FGFR1OP2: variants seen among roughly 807,000 people sequenced by gnomAD.
FGFR1OP2 encodes the protein fibroblast growth factor receptor 1 oncogene partner 2.
In FGFR1OP2, 17 loss-of-function variants were observed where a neutral mutation model predicts 35.2. The ratio of observed to expected loss-of-function variants is 0.48; its 90% CI spans 0.33 to 0.73. FGFR1OP2 has a LOEUF of 0.73. FGFR1OP2 is among the 30% of genes least tolerant of loss of function. The probability of loss-of-function intolerance (pLI) is 0.02; values close to 1 mark genes in which losing one functional copy is unlikely to be tolerated. For missense variants in FGFR1OP2, 251 were observed against 307.3 expected (o/e 0.82, Z 1.37); for synonymous variants, 105 against 104.6 (o/e 1.00, Z -0.03).
intron 1 of FGFR1OP2, among the ~76,000 whole-genome samples, chr12:26,939,826 T>C (rs895323251): frequency 5.3e-5 from 8 of 152,232 alleles, no homozygotes; most frequent in Non-Finnish European, 1.0e-4. Context: ...TATACATATG[T>C]ATGTTTATTG....
chr12:26,956,164 T>C (rs1939015911), intron 2 of FGFR1OP2, among the ~76,000 whole-genome samples: 1 of 152,168 alleles, frequency 6.6e-6, no homozygotes, highest in Non-Finnish European at 1.5e-5. Flanking sequence ...CCATCAACAA[T>C]GTATGGAAGG....
intron 1 of FGFR1OP2, among the ~76,000 whole-genome samples, chr12:26,950,215 T>G (rs932056252): frequency 2.1e-5 from 2 of 97,204 alleles, no homozygotes; most frequent in African/African-American, 4.4e-5. Context: ...TATTCGTTGT[T>G]TTTTTTTTTT....
chr12:26,956,694 T>A, intron 3 of FGFR1OP2, 34 bp downstream of exon 3: 3 of 1,271,848 alleles, frequency 2.4e-6, no homozygotes, highest in Non-Finnish European at 3.3e-6. Context: ...TTAATCCCAT[T>A]TCTAGTCTAT....
Position 26,963,354 on chromosome 12 carries a change from C to T in FGFR1OP2, c.523C>T (p.His175Tyr). The change falls in exon 6 of 7, where the codon CAT becomes TAT. Residue 175 changes from histidine to tyrosine, a missense_variant. Coordinates refer to ENST00000229395, the MANE Select transcript of FGFR1OP2 (RefSeq NM_015633.3). ...CCCTCTTTTTCAGGAACTGCAAGCACATGTTGACCAGATAACTGAAATGGC... is the reference window on the plus strand; with the variant it reads ...CCCTCTTTTTCAGGAACTGCAAGCATATGTTGACCAGATAACTGAAATGGC... The part of the protein sequence containing the change: ...LEANQNELQA[H>Y]VDQITEMAAV... 1.2e-6 allele frequency: 2 copies of T among 1,606,564 alleles called. No individual in the cohort carries two copies. Among genetic ancestry groups the T allele is most frequent in the South Asian group, 1.1e-5 (1 of 90,086 alleles).
chr12:26,960,445 A>T lies in FGFR1OP2; in HGVS notation c.397-70A>T, dbSNP rs890386858. 23 of 1,097,886 alleles carry T rather than the reference A, an allele frequency of 2.1e-5. No individual in the cohort carries two copies. In the East Asian group the frequency reaches 5.5e-4, roughly 26 times the overall value. 68.0% of individuals were successfully genotyped at this position (1,097,886 alleles called of 1,614,324 possible). On this transcript the variant is annotated intron_variant, in intron 4 of 6. Coordinates refer to ENST00000229395, the MANE Select transcript of FGFR1OP2 (RefSeq NM_015633.3). Reference sequence around the variant, plus strand: ...TCAAACAGTTGGCTAACACGCATGAACTAACACTCATTCAGTTTTTAAATT... The same window carrying T: ...TCAAACAGTTGGCTAACACGCATGATCTAACACTCATTCAGTTTTTAAATT...
At chr12:26,960,681 T>C in intron 5 of FGFR1OP2, 53 bp downstream of exon 5, 1 of 1,555,712 alleles carries the variant, frequency 6.4e-7, no homozygotes, top group Non-Finnish European at 8.7e-7. Flanking sequence ...GGGGGTCCAT[T>C]TTAAAAGTGC....
At chr12:26,955,338 T>C (rs1185757383) in intron 2 of FGFR1OP2, among the ~76,000 whole-genome samples, 1 of 152,234 alleles carries the variant, frequency 6.6e-6, no homozygotes, top group Non-Finnish European at 1.5e-5. Flanking sequence ...TATTAAGATA[T>C]TCACATACCA....
At position 26,965,643 on chromosome 12, in the gene FGFR1OP2, T is replaced by G. The variant is rs1939165117; in HGVS notation, c.*910T>G. The G allele has an allele frequency of 6.6e-6, 1 of 152,082 alleles. No individual in the cohort carries two copies. The allele number at this position is 152,082 out of a possible 1,614,324, so 9.4% of individuals were successfully genotyped here. A position where few individuals can be genotyped will look rare whatever the true frequency, so the allele number is the denominator to read the frequency against. On this transcript the variant is annotated 3_prime_UTR_variant, in exon 7 of 7. Transcript: ENST00000229395. ...CTCATAGAACCCTTTTTTTTTTCCT[T>G]TAAGTATTCTTGAGATACAAAAAAA...
intron 2 of FGFR1OP2, among the ~76,000 whole-genome samples, chr12:26,954,740 T>C (rs1938991904): frequency 6.6e-6 from 1 of 152,224 alleles, no homozygotes. Flanking sequence ...TGTGCAGTTA[T>C]TGTACCCATA....
intron 2 of FGFR1OP2, among the ~76,000 whole-genome samples, chr12:26,955,809 T>C (rs921054076): frequency 2.0e-5 from 3 of 152,236 alleles, no homozygotes; most frequent in Admixed American, 6.5e-5. Context: ...TGTGGACATA[T>C]GTTTTCAGTT....
chr12:26,940,939 A>G (rs1938724332), intron 1 of FGFR1OP2, among the ~76,000 whole-genome samples: 2 of 152,116 alleles, frequency 1.3e-5, no homozygotes, highest in Non-Finnish European at 2.9e-5. Context: ...TCTTAACCAA[A>G]ATCTAAAAGT....
intron 1 of FGFR1OP2, among the ~76,000 whole-genome samples, chr12:26,951,595 C>G (rs1253291658): frequency 1.3e-5 from 2 of 152,168 alleles, no homozygotes; most frequent in Non-Finnish European, 2.9e-5. Context: ...GCTGGGATTA[C>G]AGGTGTGAGC....
chr12:26,957,517 C>T, intron 3 of FGFR1OP2, 84 bp from the exon 4 acceptor site: 12 of 1,188,530 alleles, frequency 1.0e-5, no homozygotes, highest in African/African-American at 1.6e-5. Flanking sequence ...TTAAAATGTC[C>T]CGTTCATAAG....
intron 1 of FGFR1OP2, among the ~76,000 whole-genome samples, chr12:26,946,518 C>T (rs1419477064): frequency 1.3e-5 from 2 of 152,246 alleles, no homozygotes; most frequent in South Asian, 2.1e-4. Flanking sequence ...GGCCATGTTT[C>T]CCAGGCTGTT....
At chr12:26,962,037 G>GT (rs1403574757) in intron 5 of FGFR1OP2, 2 of 152,204 alleles carry the variant, frequency 1.3e-5, no homozygotes, top group Non-Finnish European at 2.9e-5. Flanking sequence ...TGATTGGAAT[G>GT]TTTTTTATCT....
At chr12:26,955,309 A>G (rs958723555) in intron 2 of FGFR1OP2, among the ~76,000 whole-genome samples, 1 of 152,174 alleles carries the variant, frequency 6.6e-6, no homozygotes, top group Non-Finnish European at 1.5e-5. Flanking sequence ...ATCTTTTTGC[A>G]TTTCTTTTGT....
At chr12:26,964,552 C>T in intron 6 of FGFR1OP2, 44 bp from the exon 7 acceptor site, 1 of 1,595,548 alleles carries the variant, frequency 6.3e-7, no homozygotes. Flanking sequence ...GTTGTAGCTA[C>T]CTTGTAGATA....
intron 1 of FGFR1OP2, among the ~76,000 whole-genome samples, chr12:26,945,290 GTT>G (rs1307779436): frequency 6.6e-6 from 1 of 151,862 alleles, no homozygotes; most frequent in Non-Finnish European, 1.5e-5. Flanking sequence ...GTTCCTAAAG[GTT>G]GAGGCTTACA....
In FGFR1OP2 at chr12:26,965,647, G is replaced by C. The variant is rs1450485510; in HGVS notation, c.*914G>C. Reference sequence around the variant, plus strand: ...TAGAACCCTTTTTTTTTTCCTTTAAGTATTCTTGAGATACAAAAAAAAAAA... The same window carrying C: ...TAGAACCCTTTTTTTTTTCCTTTAACTATTCTTGAGATACAAAAAAAAAAA... On this transcript the variant is annotated 3_prime_UTR_variant, in exon 7 of 7. Coordinates refer to ENST00000229395, the MANE Select transcript of FGFR1OP2 (RefSeq NM_015633.3). 6.8e-6 allele frequency: 1 copy of C among 147,086 alleles called. No individual in the cohort carries two copies. The highest frequency in any genetic ancestry group is 6.8e-5 in the Admixed American group (1 of 14,760). The allele number at this position is 147,086 out of a possible 1,614,324, so 9.1% of individuals were successfully genotyped here. A position where few individuals can be genotyped will look rare whatever the true frequency, so the allele number is the denominator to read the frequency against.
Sources: allele counts gnomAD v4.1 joint callset (sites outside exome capture counted in the v4.1 genomes callset), GRCh38; gene constraint gnomAD v4.1.1; transcripts MANE v1.5; gene names NCBI Gene and HGNC (gene_info 2026-07-23, HGNC 2026-07-21).